C2orf78: variants seen among roughly 807,000 people sequenced by gnomAD.
The protein encoded by C2orf78 is uncharacterized protein C2orf78.
A neutral mutation model predicts 21.4 loss-of-function variants in C2orf78; 12 were observed. The observed-to-expected ratio is 0.56, with a 90% CI of 0.36 to 0.91. The LOEUF (loss-of-function observed/expected upper bound fraction) is 0.91, where lower values mean the gene tolerates loss of function less well. Ranked by LOEUF, C2orf78 falls within the 40% of genes least tolerant of loss-of-function variation. The pLI, the probability that C2orf78 is intolerant of heterozygous loss-of-function variation, is 0.01. For missense variants in C2orf78, 1,042 were observed against 1,092.4 expected (o/e 0.95, Z 0.65); for synonymous variants, 396 against 413.9 (o/e 0.96, Z 0.52).
At chr2:73,808,226 C>T (rs1672998820) in intron 1 of C2orf78, among the ~76,000 whole-genome samples, 1 of 150,896 alleles carries the variant, frequency 6.6e-6, no homozygotes, top group African/African-American at 2.5e-5. Flanking sequence ...TGCACTCCAG[C>T]CTGGGTGACA....
rs372307654 is a variant in C2orf78, at chr2:73,815,996, G to T, written c.1773G>T (p.Gly591=). 3.7e-6 allele frequency: 6 copies of T among 1,613,902 alleles called. No homozygotes were observed. In the East Asian group the frequency reaches 1.3e-4, roughly 36 times the overall value. ...AATCTGAAGAGAGTAAGCAGTCAGG[G>T]AAAAAAGTCAAGGTAGAAGAGAAGC... Residue 591 remains glycine, a synonymous_variant, in exon 3 of 3, where the codon GGG becomes GGT. Transcript: ENST00000409561.
At chr2:73,808,693 C>A (rs537711167) in intron 1 of C2orf78, 3 of 1,500,634 alleles carry the variant, frequency 2.0e-6, no homozygotes, top group African/African-American at 2.8e-5. Flanking sequence ...CCCACCAAAC[C>A]AACTGCCACC....
chr2:73,785,921 GT>G (rs1558538899), intron 1 of C2orf78, among the ~76,000 whole-genome samples: 1 of 151,782 alleles, frequency 6.6e-6, no homozygotes, highest in East Asian at 1.9e-4. Flanking sequence ...TGGCACATGC[GT>G]GTAATCCCAG....
exon 3 of C2orf78, chr2:73,816,571 C>A: frequency 6.2e-7 from 1 of 1,613,634 alleles, no homozygotes; most frequent in Non-Finnish European, 8.5e-7. Flanking sequence ...CCTGCCACAC[C>A]AGCTCAGCCA....
intron 1 of C2orf78, among the ~76,000 whole-genome samples, chr2:73,812,361 C>T (rs1558541690): frequency 6.6e-6 from 1 of 152,064 alleles, no homozygotes; most frequent in East Asian, 1.9e-4. Context: ...TCTGTTTTTT[C>T]AGAACTTACT....
At chr2:73,812,147 A>G (rs968811835) in intron 1 of C2orf78, among the ~76,000 whole-genome samples, 2 of 152,132 alleles carry the variant, frequency 1.3e-5, no homozygotes, top group Non-Finnish European at 2.9e-5. Flanking sequence ...CTTGTTAGAA[A>G]TTCATTCATT....
In C2orf78 at chr2:73,784,222, G is replaced by C. The variant is rs1010955615; in HGVS notation, c.-88G>C. ...CCGACCACCACCTGGTAGCATCTTG[G>C]GGTTTCCTGGGCGTGGCCTGTAAAT... On this transcript the variant is annotated 5_prime_UTR_variant, in exon 1 of 3. Transcript: ENST00000409561. 1.8e-5 allele frequency: 27 copies of C among 1,512,718 alleles called. 1 individual carries two copies. The African/African-American group carries it at 3.2e-4, about 18-fold the overall frequency. 93.7% of individuals were successfully genotyped at this position (1,512,718 alleles called of 1,614,324 possible).
At chr2:73,816,755 A>G (rs2103997602) in exon 3 of C2orf78, 2 of 1,613,798 alleles carry the variant, frequency 1.2e-6, no homozygotes, top group East Asian at 4.5e-5. Flanking sequence ...CTCAAAATCA[A>G]TTTCTAATCC....
chr2:73,807,876 A>C (rs1672986842), intron 1 of C2orf78, among the ~76,000 whole-genome samples: 1 of 150,008 alleles, frequency 6.7e-6, no homozygotes, highest in South Asian at 2.1e-4. Context: ...GCCTTGGACC[A>C]CATCATTTCC....
In C2orf78 at chr2:73,786,264, T is replaced by TA. The variant is rs776289751; in HGVS notation, c.97+1858_97+1859insA. Among the ~76,000 whole-genome samples the TA allele has an allele frequency of 3.6e-3, 544 of 151,034 alleles. 6 individuals are homozygous for TA. Among genetic ancestry groups the TA allele is most frequent in the African/African-American group, 0.012 (504 of 40,966 alleles). ...GTGTGGTGGCGTGCACCTGTAATCC[T>TA]CCTACTTGGGAGGCTCAGGCATCAG... is the stretch of plus-strand genomic sequence containing the variant. On this transcript the variant is annotated intron_variant, in intron 1 of 2. Transcript: ENST00000409561.
At chr2:73,811,694 T>A (rs1162701652) in intron 1 of C2orf78, among the ~76,000 whole-genome samples, 1 of 152,184 alleles carries the variant, frequency 6.6e-6, no homozygotes, top group Non-Finnish European at 1.5e-5. Context: ...AAACATTTTT[T>A]AATTGGATTC....
At chr2:73,784,819 C>A (rs1672894470) in intron 1 of C2orf78, among the ~76,000 whole-genome samples, 2 of 151,488 alleles carry the variant, frequency 1.3e-5, no homozygotes, top group Non-Finnish European at 2.9e-5. Flanking sequence ...CCTCCCTCCA[C>A]TAATATTTCA....
chr2:73,809,663 G>C lies in C2orf78; in HGVS notation c.98-3814G>C, dbSNP rs138539384. On this transcript the variant is annotated intron_variant, in intron 1 of 2. Coordinates refer to ENST00000409561, the Ensembl canonical transcript of C2orf78. The stretch of plus-strand genomic sequence containing the variant: ...CTCAGCCAGGGTTGGGGGTGTGCCA[G>C]CTACTCAGGAAGCTGAGGTGGGAGG... 5.5e-4 allele frequency among the ~76,000 whole-genome samples: 84 copies of C among 152,220 alleles called. 3 individuals carry two copies. The East Asian group carries it at 0.012, about 22-fold the overall frequency.
At position 73,811,557 on chromosome 2, in the gene C2orf78, A is replaced by G. The variant is rs1367831; in HGVS notation, c.98-1920A>G. 5.7e-3 allele frequency among the ~76,000 whole-genome samples: 873 copies of G among 152,304 alleles called. 13 individuals carry two copies. The highest frequency in any genetic ancestry group is 0.02 in the African/African-American group (842 of 41,574). Reference sequence around the variant, plus strand: ...ACTTTCTTCCAAAAACAGAGTACCTACTGATTCATAATGGACTGCTTTTAG... The same window carrying G: ...ACTTTCTTCCAAAAACAGAGTACCTGCTGATTCATAATGGACTGCTTTTAG... On this transcript the variant is annotated intron_variant, in intron 1 of 2. Transcript: ENST00000409561.
intron 1 of C2orf78, among the ~76,000 whole-genome samples, chr2:73,786,655 C>T (rs1672937136): frequency 1.8e-4 from 1 of 5,480 alleles, no homozygotes. Context: ...GCACAACTCA[C>T]AACAGTGCCT....
At chr2:73,807,984 G>C (rs141285925) in intron 1 of C2orf78, among the ~76,000 whole-genome samples, 1 of 151,056 alleles carries the variant, frequency 6.6e-6, no homozygotes, top group Non-Finnish European at 1.5e-5. Context: ...GGCCGGGTGC[G>C]GTGGCTCCCG....
chr2:73,815,831 T>A, exon 3 of C2orf78: 2 of 1,613,796 alleles, frequency 1.2e-6, no homozygotes, highest in African/African-American at 2.7e-5. Flanking sequence ...TTGGCAGTGC[T>A]ACAGTCAGTA....
At chr2:73,785,635 G>A (rs1011860895) in intron 1 of C2orf78, among the ~76,000 whole-genome samples, 1 of 152,082 alleles carries the variant, frequency 6.6e-6, no homozygotes, top group Non-Finnish European at 1.5e-5. Flanking sequence ...AAGGAAACAG[G>A]CTACATTACA....
intron 1 of C2orf78, among the ~76,000 whole-genome samples, chr2:73,792,437 G>T (rs1672944192): frequency 7.3e-6 from 1 of 137,196 alleles, no homozygotes; most frequent in African/African-American, 3.1e-5. Flanking sequence ...AGCTAGCAGA[G>T]ATCGGCCACT....
Sources: gnomAD v4.1 joint callset for allele counts (sites outside exome capture counted in the v4.1 genomes callset) on GRCh38, gnomAD v4.1.1 for gene constraint, MANE v1.5 for transcripts, NCBI Gene and HGNC (gene_info 2026-07-23, HGNC 2026-07-21) for gene names.